CPQ: variants seen among roughly 807,000 people sequenced by gnomAD.
CPQ encodes Ser-Met dipeptidase.
In CPQ, 37 loss-of-function variants were observed where a neutral mutation model predicts 45.7. The ratio of observed to expected loss-of-function variants is 0.81; its 90% CI spans 0.62 to 1.07. CPQ has a LOEUF of 1.07. Ranked by LOEUF, CPQ falls within the 50% of genes least tolerant of loss-of-function variation. CPQ has a pLI of 0.00. For synonymous variants in CPQ, 186 were observed against 205.8 expected (o/e 0.90, Z 0.82); for missense variants, 537 against 572.9 (o/e 0.94, Z 0.64).
At chr8:96,795,191 A>G (rs1217253796) in intron 2 of CPQ, among the ~76,000 whole-genome samples, 1 of 152,230 alleles carries the variant, frequency 6.6e-6, no homozygotes, top group Non-Finnish European at 1.5e-5. Flanking sequence ...AAAGAGATTT[A>G]CTAGACTTAC....
chr8:97,103,483 CAGAA>C (rs1258557456), intron 7 of CPQ, among the ~76,000 whole-genome samples: 12 of 152,140 alleles, frequency 7.9e-5, no homozygotes, highest in African/African-American at 2.9e-4. Flanking sequence ...TCTACTTGCT[CAGAA>C]AGAAAGATGA....
At chr8:97,130,420 G>GTTT (rs67911510) in intron 7 of CPQ, among the ~76,000 whole-genome samples, 13 of 125,354 alleles carry the variant, frequency 1.0e-4, no homozygotes, top group Non-Finnish European at 1.5e-4. Context: ...ATCGTCAGCT[G>GTTT]TTTTTTTTTT....
chr8:97,020,637 A>G (rs1180393847), intron 5 of CPQ, among the ~76,000 whole-genome samples: 3 of 152,194 alleles, frequency 2.0e-5, no homozygotes, highest in African/African-American at 7.2e-5. Context: ...AGATGGATAC[A>G]TTCCTGAAAA....
intron 7 of CPQ, among the ~76,000 whole-genome samples, chr8:97,081,827 C>T (rs540462315): frequency 6.6e-6 from 1 of 152,274 alleles, no homozygotes; most frequent in East Asian, 1.9e-4. Flanking sequence ...CAAGATCTAG[C>T]TCTACTACTT....
intron 2 of CPQ, among the ~76,000 whole-genome samples, chr8:96,788,781 T>A (rs1391958846): frequency 6.6e-6 from 1 of 152,006 alleles, no homozygotes; most frequent in Non-Finnish European, 1.5e-5. Context: ...GATTTAATGA[T>A]GTCCCATATT....
intron 2 of CPQ, among the ~76,000 whole-genome samples, chr8:96,819,572 G>A (rs1284551367): frequency 6.6e-6 from 1 of 152,062 alleles, no homozygotes; most frequent in Non-Finnish European, 1.5e-5. Context: ...TCATTGTGGT[G>A]GAGAAGGATT....
chr8:96,821,126 A>ATTTTTTTTTTTTTTT (rs572906188), intron 2 of CPQ, among the ~76,000 whole-genome samples: 30 of 60,930 alleles, frequency 4.9e-4, no homozygotes, highest in African/African-American at 8.8e-4. Context: ...TTTAATCTGA[A>ATTTTTTTTTTTTTTT]TTTTTTTTTT....
At chr8:96,903,724 C>A (rs570323324) in intron 4 of CPQ, among the ~76,000 whole-genome samples, 62 of 152,222 alleles carry the variant, frequency 4.1e-4, no homozygotes, top group African/African-American at 1.4e-3. Context: ...GATTTCAAAC[C>A]CAGGGCTGAC....
chr8:96,864,466 A>G (rs1297740450), intron 3 of CPQ, among the ~76,000 whole-genome samples: 3 of 152,046 alleles, frequency 2.0e-5, no homozygotes, highest in Non-Finnish European at 4.4e-5. Context: ...GACTCATCAG[A>G]AGTCTAAAGG....
chr8:96,697,583 A>G (rs1196484792), intron 1 of CPQ, among the ~76,000 whole-genome samples: 2 of 152,138 alleles, frequency 1.3e-5, no homozygotes, highest in Non-Finnish European at 2.9e-5. Context: ...TTTGTTTGGA[A>G]ATGATGTGAT....
At chr8:96,826,560 G>A (rs938343933) in intron 2 of CPQ, among the ~76,000 whole-genome samples, 2 of 151,964 alleles carry the variant, frequency 1.3e-5, no homozygotes, top group African/African-American at 4.8e-5. Context: ...GACAGAAGGA[G>A]CAGCTTCCAT....
intron 4 of CPQ, among the ~76,000 whole-genome samples, chr8:96,916,781 C>T (rs550704451): frequency 6.6e-6 from 1 of 152,108 alleles, no homozygotes; most frequent in South Asian, 2.1e-4. Context: ...TTAGAATTTT[C>T]TTGTTTTTGA....
At chr8:97,108,685 ACTC>A (rs1306181812) in intron 7 of CPQ, among the ~76,000 whole-genome samples, 4 of 151,772 alleles carry the variant, frequency 2.6e-5, no homozygotes, top group Admixed American at 2.6e-4. Context: ...CTAAAGTAAA[ACTC>A]CTTGTTTGTA....
chr8:96,865,727 A>C (rs1811988521), intron 3 of CPQ, among the ~76,000 whole-genome samples: 1 of 152,064 alleles, frequency 6.6e-6, no homozygotes, highest in Non-Finnish European at 1.5e-5. Flanking sequence ...GATGAGAAGG[A>C]GAGGTTAAAT....
chr8:96,933,610 G>A (rs1210562489), intron 4 of CPQ, among the ~76,000 whole-genome samples: 1 of 152,194 alleles, frequency 6.6e-6, no homozygotes, highest in Non-Finnish European at 1.5e-5. Flanking sequence ...GGAACACTTA[G>A]GAGGAGCACC....
intron 5 of CPQ, among the ~76,000 whole-genome samples, chr8:96,999,115 C>T (rs73281706): frequency 3.0e-3 from 453 of 152,028 alleles, no homozygotes; most frequent in African/African-American, 9.8e-3. Flanking sequence ...GTTAGAGAAA[C>T]TGATTCACTT....
chr8:97,055,045 C>A (rs1480880455), intron 6 of CPQ, among the ~76,000 whole-genome samples: 2 of 142,252 alleles, frequency 1.4e-5, no homozygotes, highest in African/African-American at 6.2e-5. Context: ...TCACAACACC[C>A]CTGTCCCCCT....
intron 1 of CPQ, among the ~76,000 whole-genome samples, chr8:96,673,234 C>G (rs146008900): frequency 2.6e-5 from 4 of 152,238 alleles, no homozygotes; most frequent in African/African-American, 4.8e-5. Flanking sequence ...AAAGTACACT[C>G]CACAGAATGA....
At position 96,906,327 on chromosome 8, in the gene CPQ, T is replaced by C. The variant is rs114759018; in HGVS notation, c.849+26322T>C. On this transcript the variant is annotated intron_variant, in intron 4 of 7. Coordinates refer to ENST00000220763, the MANE Select transcript of CPQ (RefSeq NM_016134.4). ...GGTCTTAGAAAAGTATTTTAAAAAA[T>C]AAACTGGATAAAAGAGGTAATGCTA... Among the ~76,000 whole-genome samples the C allele has an allele frequency of 5.0e-3, 762 of 152,238 alleles. 5 individuals carry two copies. Among genetic ancestry groups the C allele is most frequent in the African/African-American group, 0.018 (733 of 41,536 alleles).
Sources: allele counts gnomAD v4.1 joint callset (sites outside exome capture counted in the v4.1 genomes callset), GRCh38; gene constraint gnomAD v4.1.1; transcripts MANE v1.5; gene names NCBI Gene and HGNC (gene_info 2026-07-23, HGNC 2026-07-21).